The following KCTD1 variants were observed in gnomAD, a reference collection of about 807,000 sequenced individuals.
The protein encoded by KCTD1 is potassium channel tetramerization domain containing 1.
Under a neutral mutation model 66.0 loss-of-function variants are expected in KCTD1, and 24 were observed. The observed-to-expected ratio is 0.36, with a 90% CI of 0.26 to 0.51. The LOEUF is 0.51. Among genes scored for constraint, KCTD1 ranks in the 20% least tolerant of loss-of-function variants. The pLI is 0.95. For missense variants in KCTD1, 943 were observed against 1,205.2 expected (o/e 0.78, Z 3.22); for synonymous variants, 511 against 517.2 (o/e 0.99, Z 0.16).
chr18:26,512,473 G>A (rs749681709), intron 1 of KCTD1, among the ~76,000 whole-genome samples: 1 of 151,884 alleles, frequency 6.6e-6, no homozygotes, highest in Non-Finnish European at 1.5e-5. Context: ...AAATGCACAG[G>A]TTTATACGTA....
intron 1 of KCTD1, among the ~76,000 whole-genome samples, chr18:26,637,984 G>C (rs187336386): frequency 6.6e-6 from 1 of 152,146 alleles, no homozygotes; most frequent in African/African-American, 2.4e-5. Flanking sequence ...GATTTTGTAG[G>C]CTGGCTCTCC....
intron 2 of KCTD1, among the ~76,000 whole-genome samples, chr18:26,485,772 G>A (rs1180750732): frequency 6.6e-6 from 1 of 151,928 alleles, no homozygotes; most frequent in Non-Finnish European, 1.5e-5. Context: ...ATATTTGGAG[G>A]TATTTCTGAT....
chr18:26,625,023 G>A (rs1344676479), intron 1 of KCTD1, among the ~76,000 whole-genome samples: 1 of 152,182 alleles, frequency 6.6e-6, no homozygotes, highest in African/African-American at 2.4e-5. Flanking sequence ...TTTCAGACTT[G>A]TGTGGGACCT....
At chr18:26,646,251 A>G (rs1354939397) in intron 1 of KCTD1, among the ~76,000 whole-genome samples, 1 of 152,222 alleles carries the variant, frequency 6.6e-6, no homozygotes, top group Non-Finnish European at 1.5e-5. Context: ...CTCCTTTCCA[A>G]TATACTTTGT....
upstream of KCTD1, among the ~76,000 whole-genome samples, chr18:26,642,625 A>G (rs901870519): frequency 3.3e-5 from 5 of 152,212 alleles, no homozygotes; most frequent in African/African-American, 1.2e-4. Context: ...TTAAGGAAGT[A>G]AAAAAGGGAA....
chr18:26,491,768 T>C (rs984773938), intron 2 of KCTD1, among the ~76,000 whole-genome samples: 5 of 152,184 alleles, frequency 3.3e-5, no homozygotes, highest in Admixed American at 6.5e-5. Flanking sequence ...GGCTAGGGAA[T>C]AAGGTGAAGG....
chr18:26,524,626 GA>G (rs1166825601), intron 1 of KCTD1, among the ~76,000 whole-genome samples: 1 of 151,872 alleles, frequency 6.6e-6, no homozygotes, highest in African/African-American at 2.4e-5. Flanking sequence ...AAACATTTAA[GA>G]AAGCTCTACC....
intron 1 of KCTD1, among the ~76,000 whole-genome samples, chr18:26,514,001 T>G (rs1052788600): frequency 6.6e-6 from 1 of 152,232 alleles, no homozygotes; most frequent in Non-Finnish European, 1.5e-5. Flanking sequence ...TAAAATATGG[T>G]GCTTAATAAG....
At chr18:26,611,459 TC>T in intron 1 of KCTD1, among the ~76,000 whole-genome samples, 1 of 152,294 alleles carries the variant, frequency 6.6e-6, no homozygotes, top group South Asian at 2.1e-4. Context: ...CAAGTGATTC[TC>T]CTGTCTCAAC....
chr18:26,564,609 G>T (rs993169892), intron 1 of KCTD1, among the ~76,000 whole-genome samples: 1 of 152,124 alleles, frequency 6.6e-6, no homozygotes, highest in African/African-American at 2.4e-5. Context: ...ACAGTTTCAG[G>T]CCAGGCACAG....
intron 2 of KCTD1, among the ~76,000 whole-genome samples, chr18:26,499,597 T>C (rs895133649): frequency 2.0e-5 from 3 of 152,242 alleles, no homozygotes; most frequent in African/African-American, 7.2e-5. Flanking sequence ...CTTCACATTC[T>C]TTCATAAATT....
At chr18:26,486,283 C>T (rs1009461799) in intron 2 of KCTD1, among the ~76,000 whole-genome samples, 1 of 152,166 alleles carries the variant, frequency 6.6e-6, no homozygotes, top group Non-Finnish European at 1.5e-5. Context: ...ATAGAGCCAT[C>T]GAGTAACTTG....
intron 1 of KCTD1, among the ~76,000 whole-genome samples, chr18:26,557,796 A>G (rs963360224): frequency 1.3e-5 from 2 of 152,136 alleles, no homozygotes; most frequent in Non-Finnish European, 2.9e-5. Flanking sequence ...ACACACACCA[A>G]TTTTGCCTAC....
intron 1 of KCTD1, among the ~76,000 whole-genome samples, chr18:26,656,062 G>C (rs903683223): frequency 3.3e-5 from 5 of 152,092 alleles, no homozygotes; most frequent in African/African-American, 1.2e-4. Flanking sequence ...CAGTTGGGGG[G>C]GCGGAGGAGG....
intron 1 of KCTD1, among the ~76,000 whole-genome samples, chr18:26,588,122 C>T (rs1986510795): frequency 6.6e-6 from 1 of 152,204 alleles, no homozygotes; most frequent in African/African-American, 2.4e-5. Flanking sequence ...AAAATTCATA[C>T]TTGTCTCAAT....
At chr18:26,626,108 C>T (rs2145028120) in intron 1 of KCTD1, among the ~76,000 whole-genome samples, 1 of 151,312 alleles carries the variant, frequency 6.6e-6, no homozygotes, top group Non-Finnish European at 1.5e-5. Context: ...TGGAAAGACA[C>T]TGGATCCTTC....
At chr18:26,515,658 C>T (rs960691186) in intron 1 of KCTD1, among the ~76,000 whole-genome samples, 21 of 151,788 alleles carry the variant, frequency 1.4e-4, no homozygotes, top group African/African-American at 4.4e-4. Flanking sequence ...TACAGGTGTG[C>T]GCCACCAAGC....
rs1355407939 is a variant in KCTD1 at position 26,455,846 on chromosome 18, C to T, written c.2495G>A (p.Gly832Glu). The change falls in exon 5 of 5, where the codon GGA (glycine) becomes GAA (glutamate). Residue 832 changes from glycine (G) to glutamate (E), a missense_variant. Gly to Glu is a moderately conservative substitution (Grantham distance 98). This residue lies in a region of KCTD1 where 162 missense variants were observed against 232.4 expected (regional missense o/e 0.70). Coordinates refer to ENST00000580059, the MANE Select transcript of KCTD1 (RefSeq NM_001142730.3). ...TTCGCTGAACTGGGACGAGTCTACT[C>T]CTCCCCCACAGGAGCCCACGATTTC... ...GFEIVGSCGG[G>E]VDSSQFSEYV... 6 of 1,614,074 alleles carry T rather than the reference C, an allele frequency of 3.7e-6. No homozygotes were observed. Among genetic ancestry groups the T allele is most frequent in the Non-Finnish European group, 5.1e-6 (6 of 1,180,036 alleles).
At chr18:26,593,325 G>A (rs1442396739) in intron 1 of KCTD1, among the ~76,000 whole-genome samples, 2 of 149,700 alleles carry the variant, frequency 1.3e-5, no homozygotes, top group Non-Finnish European at 3.0e-5. Flanking sequence ...GGAGGAGGAA[G>A]AGGAGGAGGA....
Sources: allele counts gnomAD v4.1 joint callset (sites outside exome capture counted in the v4.1 genomes callset), GRCh38; gene constraint gnomAD v4.1.1; regional missense constraint gnomAD v4.1.1; transcripts MANE v1.5; gene names NCBI Gene and HGNC (gene_info 2026-07-23, HGNC 2026-07-21).